Variants in ANO10 observed in about 807,000 individuals in gnomAD.
ANO10 encodes anoctamin 10.
In ANO10, 77 loss-of-function variants were observed where a neutral mutation model predicts 74.7. That is an observed-to-expected ratio of 1.03 (90% CI 0.86 to 1.25). ANO10 has a LOEUF of 1.25. Ranked by LOEUF, ANO10 falls within the 50% of genes most tolerant of loss-of-function variation. The probability of loss-of-function intolerance (pLI) is 0.00; values close to 1 mark genes in which losing one functional copy is unlikely to be tolerated. For missense variants in ANO10, 721 were observed against 778.1 expected (o/e 0.93, Z 0.87); for synonymous variants, 279 against 284.9 (o/e 0.98, Z 0.21).
chr3:43,589,478 G>T (rs2081626925), intron 4 of ANO10, among the ~76,000 whole-genome samples: 1 of 152,124 alleles, frequency 6.6e-6, no homozygotes, highest in Non-Finnish European at 1.5e-5. Context: ...TCTGAGGTCA[G>T]GAGTTCAAGA....
intron 11 of ANO10, among the ~76,000 whole-genome samples, chr3:43,515,807 C>G (rs969012387): frequency 4.6e-5 from 7 of 152,094 alleles, no homozygotes; most frequent in African/African-American, 1.7e-4. Flanking sequence ...TTTCTAAAAC[C>G]ATAAGCTGTA....
intron 11 of ANO10, among the ~76,000 whole-genome samples, chr3:43,528,478 TATGAA>T (rs2078308749): frequency 6.6e-6 from 1 of 151,800 alleles, no homozygotes; most frequent in South Asian, 2.1e-4. Context: ...AAATGGAAGA[TATGAA>T]ATGAAAGTGG....
chr3:43,372,931 G>A (rs2091669602), intron 12 of ANO10: 1 of 1,317,234 alleles, frequency 7.6e-7, no homozygotes, highest in Non-Finnish European at 1.0e-6. Context: ...TTTTTTTCAT[G>A]CGTATGAAAG....
At chr3:43,407,505 A>G (rs2092597152) in intron 12 of ANO10, among the ~76,000 whole-genome samples, 3 of 152,196 alleles carry the variant, frequency 2.0e-5, no homozygotes, top group Admixed American at 2.0e-4. Flanking sequence ...CTGGGATAAC[A>G]GGGCTGCCTC....
At chr3:43,476,508 GT>G (rs2076071151) in intron 11 of ANO10, among the ~76,000 whole-genome samples, 2 of 152,202 alleles carry the variant, frequency 1.3e-5, no homozygotes, top group Admixed American at 6.5e-5. Context: ...TCTTCCTGAA[GT>G]TGGTCTGTCC....
At chr3:43,480,755 C>T (rs903644569) in intron 11 of ANO10, among the ~76,000 whole-genome samples, 1 of 152,118 alleles carries the variant, frequency 6.6e-6, no homozygotes, top group Non-Finnish European at 1.5e-5. Context: ...CAGAAATACC[C>T]TCTCCAAGGA....
rs1216479069 is a variant in ANO10 at position 43,552,392 on chromosome 3, TA to T, written c.1669-2545del. 3.3e-5 allele frequency among the ~76,000 whole-genome samples: 5 copies of T among 151,942 alleles called. No individual in the cohort carries two copies. The East Asian group carries it at 5.8e-4, about 18-fold the overall frequency. On this transcript the variant is annotated intron_variant, in intron 10 of 12. Coordinates refer to ENST00000292246, the MANE Select transcript of ANO10 (RefSeq NM_018075.5). ...CCCATGCCTACAAAAAATAAAAAAA[TA>T]AAAAAAATTTTTTTCTACATATATT...
At chr3:43,459,371 C>T (rs974851110) in intron 11 of ANO10, among the ~76,000 whole-genome samples, 6 of 152,174 alleles carry the variant, frequency 3.9e-5, no homozygotes, top group Non-Finnish European at 5.9e-5. Flanking sequence ...TCATCCAATT[C>T]AGTAAGTAAC....
intron 1 of ANO10, among the ~76,000 whole-genome samples, chr3:43,650,990 T>A (rs540445690): frequency 6.6e-6 from 1 of 152,206 alleles, no homozygotes; most frequent in African/African-American, 2.4e-5. Flanking sequence ...AATATGCTCA[T>A]CACATCATTT....
rs55764466 is a variant in ANO10, at chr3:43,667,072, G to GTT, written c.-12+24443_-12+24444dup. Among the ~76,000 whole-genome samples the GTT allele has an allele frequency of 8.2e-4, 46 of 56,136 alleles. 8 individuals carry two copies. The highest frequency in any genetic ancestry group is 1.3e-3 in the African/African-American group (19 of 14,244). The allele number at this position is 56,136 out of a possible 152,430, so 36.8% of individuals were successfully genotyped here. On this transcript the variant is annotated intron_variant, in intron 1 of 3. Coordinates refer to the ANO10 transcript ENST00000413397. ...CCTCATGCATTAAAATACAATGCAT[G>GTT]TTTTTTTTTTTTTTTTTTTTTTTTT...
intron 3 of ANO10, among the ~76,000 whole-genome samples, chr3:43,599,814 G>C (rs1231853057): frequency 6.6e-6 from 1 of 151,928 alleles, no homozygotes; most frequent in Non-Finnish European, 1.5e-5. Context: ...GCTGAGGCAG[G>C]AGAATGGCGT....
At chr3:43,611,453 G>GT (rs1315858309) in intron 1 of ANO10, among the ~76,000 whole-genome samples, 1 of 152,196 alleles carries the variant, frequency 6.6e-6, no homozygotes, top group African/African-American at 2.4e-5. Flanking sequence ...TTTTGTTCTA[G>GT]TGATTTGGAC....
intron 1 of ANO10, among the ~76,000 whole-genome samples, chr3:43,662,849 T>G (rs899813177): frequency 1.3e-5 from 2 of 151,998 alleles, no homozygotes; most frequent in African/African-American, 4.8e-5. Context: ...CAGGAAGAAG[T>G]TGAAGCTCTG....
chr3:43,445,249 T>A (rs936087234), intron 11 of ANO10, among the ~76,000 whole-genome samples: 2 of 151,280 alleles, frequency 1.3e-5, no homozygotes, highest in Non-Finnish European at 2.9e-5. Flanking sequence ...GCAGGAAATA[T>A]ACAAGATGAG....
intron 4 of ANO10, among the ~76,000 whole-genome samples, chr3:43,589,469 C>A (rs2081626427): frequency 1.3e-5 from 2 of 152,018 alleles, no homozygotes; most frequent in Non-Finnish European, 2.9e-5. Flanking sequence ...GGTGGATCAT[C>A]TGAGGTCAGG....
At chr3:43,580,720 T>G (rs549123500) in intron 4 of ANO10, among the ~76,000 whole-genome samples, 2 of 152,314 alleles carry the variant, frequency 1.3e-5, no homozygotes, top group African/African-American at 4.8e-5. Context: ...ATTAAGACTA[T>G]GAGAGGCCCG....
chr3:43,479,500 T>A (rs1250641452), intron 11 of ANO10, among the ~76,000 whole-genome samples: 1 of 152,136 alleles, frequency 6.6e-6, no homozygotes, highest in East Asian at 1.9e-4. Flanking sequence ...AGACCTCTAA[T>A]GAAATGTGAT....
intron 11 of ANO10, among the ~76,000 whole-genome samples, chr3:43,523,222 G>C (rs1180935423): frequency 6.6e-6 from 1 of 152,192 alleles, no homozygotes; most frequent in African/African-American, 2.4e-5. Context: ...ACAATACCAA[G>C]TAAGCAAGAG....
chr3:43,569,064 G>A (rs1307938758), intron 7 of ANO10, among the ~76,000 whole-genome samples: 172 of 123,368 alleles, frequency 1.4e-3, no homozygotes, highest in South Asian at 3.2e-3. Context: ...ACACCTCTAC[G>A]CAAATAAACT....
Sources: gnomAD v4.1 joint callset for allele counts (sites outside exome capture counted in the v4.1 genomes callset) on GRCh38, gnomAD v4.1.1 for gene constraint, MANE v1.5 for transcripts, NCBI Gene and HGNC (gene_info 2026-07-23, HGNC 2026-07-21) for gene names.